STIMATE: variants seen among roughly 807,000 people sequenced by gnomAD.
STIMATE encodes the protein STIM activating enhancer.
A neutral mutation model predicts 36.7 loss-of-function variants in STIMATE; 15 were observed. The ratio of observed to expected loss-of-function variants is 0.41; its 90% CI spans 0.27 to 0.63. The LOEUF (loss-of-function observed/expected upper bound fraction) is 0.63, where lower values mean the gene tolerates loss of function less well. STIMATE is among the 20% of genes least tolerant of loss of function. STIMATE has a pLI of 0.32. For synonymous variants in STIMATE, 163 were observed against 162.3 expected, an observed-to-expected ratio of 1.00 and a Z score of -0.03; for missense variants, 305 against 397.3, an observed-to-expected ratio of 0.77 and a Z score of 1.98.
rs1559501942 is a variant in STIMATE, at chr3:52,897,498, C to T, written c.-48G>A. On this transcript the variant is annotated 5_prime_UTR_variant, in exon 1 of 8. Transcript: ENST00000355083. ...CGAGGGCCCAGGGCCCGCCCGGCCT[C>T]GCTGCCTGCCGGCGCAGCGCCGCCA... is the stretch of plus-strand genomic sequence containing the variant. 3 of 1,200,066 alleles carry T rather than the reference C, an allele frequency of 2.5e-6. No individual in the cohort carries two copies. Among genetic ancestry groups the T allele is most frequent in the Non-Finnish European group, 3.1e-6 (3 of 968,484 alleles). 74.3% of individuals were successfully genotyped at this position (1,200,066 alleles called of 1,614,324 possible). A position where few individuals can be genotyped will look rare whatever the true frequency, so the allele number is the denominator to read the frequency against.
chr3:52,843,161 CAG>C (rs1700832589), intron 6 of STIMATE: 2 of 1,051,704 alleles, frequency 1.9e-6, no homozygotes, highest in Non-Finnish European at 2.6e-6. Flanking sequence ...GTTTTCTGAT[CAG>C]AGTGTGCAAG....
chr3:52,879,950 G>C (rs535366196), intron 1 of STIMATE, among the ~76,000 whole-genome samples: 1 of 152,164 alleles, frequency 6.6e-6, no homozygotes, highest in Non-Finnish European at 1.5e-5. Context: ...TTCTGGAGAC[G>C]GGCTTGCTGG....
chr3:52,844,977 C>T (rs1339359887), intron 4 of STIMATE, 36 bp from the exon 5 acceptor site: 1 of 1,607,064 alleles, frequency 6.2e-7, no homozygotes. Context: ...CACATGGGGC[C>T]CAGGCATCTG....
intron 1 of STIMATE, among the ~76,000 whole-genome samples, chr3:52,883,943 T>C (rs1701650204): frequency 6.6e-6 from 1 of 152,228 alleles, no homozygotes; most frequent in African/African-American, 2.4e-5. Context: ...TTCCTGCTTC[T>C]TTACCTAACC....
At chr3:52,889,901 A>G (rs1317609683) in intron 1 of STIMATE, among the ~76,000 whole-genome samples, 1 of 152,130 alleles carries the variant, frequency 6.6e-6, no homozygotes. Context: ...GCACCCGTAA[A>G]AGAGGCCTGA....
intron 4 of STIMATE, among the ~76,000 whole-genome samples, chr3:52,849,151 A>G (rs1341954853): frequency 1.3e-5 from 2 of 152,208 alleles, no homozygotes; most frequent in African/African-American, 4.8e-5. Context: ...CTCTCAAGGC[A>G]AAGGCTCCAC....
intron 3 of STIMATE, among the ~76,000 whole-genome samples, chr3:52,851,141 G>C (rs1308961452): frequency 6.6e-6 from 1 of 152,230 alleles, no homozygotes; most frequent in Non-Finnish European, 1.5e-5. Flanking sequence ...TGTACGGTCT[G>C]TTTCCATCCG....
rs1578795205 is a variant in STIMATE, at chr3:52,840,529, T to C, written c.850A>G (p.Lys284Glu). 1 of 1,614,114 alleles carries C rather than the reference T, an allele frequency of 6.2e-7. No individual in the cohort carries two copies. Among genetic ancestry groups the C allele is most frequent in the Non-Finnish European group, 8.5e-7 (1 of 1,179,982 alleles). Residue 284 changes from lysine (K) to glutamate (E), a missense_variant, in exon 8 of 8, where the codon AAG becomes GAG. Around this residue, in one of 3 missense-constraint regions of STIMATE, gnomAD observed 84 missense variants for 82.4 expected, o/e 1.02. Coordinates refer to ENST00000355083, the MANE Select transcript of STIMATE (RefSeq NM_198563.5). ...AGCCCAAAGCGGTGCTTCTTTTTCT[T>C]CACAGGCTTGAGGGGGGTCAGTCTG... ...LRRLTPLKPV[K>E]KKKHRFGLPV
Position 52,897,528 on chromosome 3 carries a change from C to T in STIMATE, c.-78G>A. 8.5e-7 allele frequency: 1 copy of T among 1,182,572 alleles called. No individual in the cohort carries two copies. The highest frequency in any genetic ancestry group is 1.0e-6 in the Non-Finnish European group (1 of 957,200). The allele number at this position is 1,182,572 out of a possible 1,614,324, so 73.3% of individuals were successfully genotyped here. Reference sequence around the variant, plus strand: ...CCTGCCGGCGCAGCGCCGCCAAACCCGCAGCCGGGATCCCAAGCCTGAGCC... The same window carrying T: ...CCTGCCGGCGCAGCGCCGCCAAACCTGCAGCCGGGATCCCAAGCCTGAGCC... On this transcript the variant is annotated 5_prime_UTR_variant, in exon 1 of 8. Transcript: ENST00000355083.
chr3:52,845,537 T>C (rs1051882886), intron 4 of STIMATE, among the ~76,000 whole-genome samples: 1 of 152,172 alleles, frequency 6.6e-6, no homozygotes, highest in Non-Finnish European at 1.5e-5. Context: ...CCCAAACACC[T>C]TGGCCAGGGA....
At chr3:52,893,947 T>C (rs1297750998) in intron 1 of STIMATE, among the ~76,000 whole-genome samples, 2 of 152,146 alleles carry the variant, frequency 1.3e-5, no homozygotes, top group African/African-American at 2.4e-5. Context: ...AACACGACCT[T>C]TGGCTGACAG....
intron 7 of STIMATE, among the ~76,000 whole-genome samples, chr3:52,840,986 G>T (rs1450081576): frequency 6.6e-6 from 1 of 152,142 alleles, no homozygotes; most frequent in African/African-American, 2.4e-5. Flanking sequence ...GATTACAGGC[G>T]TGAGCCACCA....
chr3:52,844,757 A>G (rs2106653069), intron 5 of STIMATE, 72 bp downstream of exon 5: 2 of 1,560,686 alleles, frequency 1.3e-6, no homozygotes, highest in Non-Finnish European at 1.8e-6. Context: ...GAGTTGGCGT[A>G]TGTGGGTGAT....
chr3:52,891,134 A>G (rs958060303), intron 1 of STIMATE, among the ~76,000 whole-genome samples: 3 of 152,174 alleles, frequency 2.0e-5, no homozygotes, highest in African/African-American at 7.2e-5. Context: ...GTTCAGATAG[A>G]AAAAAAATGA....
intron 1 of STIMATE, among the ~76,000 whole-genome samples, chr3:52,867,845 A>T (rs1701336809): frequency 6.6e-6 from 1 of 152,196 alleles, no homozygotes; most frequent in African/African-American, 2.4e-5. Flanking sequence ...TCACCCCAGC[A>T]GTTAGTAGAG....
At position 52,865,610 on chromosome 3, in the gene STIMATE, G is replaced by C. The variant is rs567565037; in HGVS notation, c.161-10166C>G. 7.1e-3 allele frequency among the ~76,000 whole-genome samples: 1,084 copies of C among 152,048 alleles called. 112 individuals are homozygous for C. In the South Asian group the frequency reaches 0.2, roughly 28 times the overall value. ...TCATGAGACTTATTCACTACCACAA[G>C]AACAATGTGGGGGAAACTGCCCCCA... is the stretch of plus-strand genomic sequence containing the variant. On this transcript the variant is annotated intron_variant, in intron 1 of 7. Coordinates refer to ENST00000355083, the MANE Select transcript of STIMATE (RefSeq NM_198563.5).
At position 52,843,768 on chromosome 3, in the gene STIMATE, C is replaced by A. The variant is rs1236900097; in HGVS notation, c.571G>T (p.Asp191Tyr). 1.9e-6 allele frequency: 3 copies of A among 1,612,426 alleles called. No homozygotes were observed. The highest frequency in any genetic ancestry group is 1.3e-5 in the African/African-American group (1 of 74,728). ...VALLNPIENP[D>Y]LKLAIVMLIV... Reference sequence around the variant, plus strand: ...AGCATGACGATGGCCAGCTTCAAGTCTGGGTTTTCAATGGGATTCAACAGG... The same window carrying A: ...AGCATGACGATGGCCAGCTTCAAGTATGGGTTTTCAATGGGATTCAACAGG... The change falls in exon 6 of 8, where the codon GAC becomes TAC. Residue 191 changes from aspartate (D) to tyrosine (Y), a missense_variant. Coordinates refer to ENST00000355083, the MANE Select transcript of STIMATE (RefSeq NM_198563.5).
At position 52,844,822 on chromosome 3, in the gene STIMATE, A is replaced by C. The variant is rs1487017075; in HGVS notation, c.540+7T>G. ...CAAGGAGCTGCTCATGCAGGGACGA[A>C]GCAAACCTTTTTCCACTGAAGTATT... On this transcript the variant is annotated splice_region_variant and intron_variant, in intron 5 of 7. Transcript: ENST00000355083. 6.2e-7 allele frequency: 1 copy of C among 1,613,680 alleles called. No individual in the cohort carries two copies. Among genetic ancestry groups the C allele is most frequent in the East Asian group, 2.2e-5 (1 of 44,884 alleles).
At chr3:52,865,178 C>G (rs1032155671) in intron 1 of STIMATE, among the ~76,000 whole-genome samples, 3 of 152,300 alleles carry the variant, frequency 2.0e-5, no homozygotes, top group African/African-American at 7.2e-5. Context: ...AACTCCTGAC[C>G]TTGTGATCCA....
Sources: allele counts gnomAD v4.1 joint callset (sites outside exome capture counted in the v4.1 genomes callset), GRCh38; gene constraint gnomAD v4.1.1; regional missense constraint gnomAD v4.1.1; transcripts MANE v1.5; gene names NCBI Gene and HGNC (gene_info 2026-07-23, HGNC 2026-07-21).